The following SLC9A9 variants were observed in gnomAD, a reference collection of about 807,000 sequenced individuals.
SLC9A9 encodes solute carrier family 9 member A9.
In SLC9A9, 62 loss-of-function variants were observed where a neutral mutation model predicts 77.8. That is an observed-to-expected ratio of 0.80 (90% CI 0.65 to 0.98). The LOEUF is 0.98. Ranked by LOEUF, SLC9A9 falls within the 50% of genes least tolerant of loss-of-function variation. The pLI is 0.00. For missense variants in SLC9A9, 775 were observed against 774.9 expected (o/e 1.00, Z 0.00); for synonymous variants, 320 against 283.5 (o/e 1.13, Z -1.29).
intron 14 of SLC9A9, among the ~76,000 whole-genome samples, chr3:143,276,883 C>T (rs1340667018): frequency 6.6e-6 from 1 of 152,082 alleles, no homozygotes; most frequent in Non-Finnish European, 1.5e-5. Context: ...TCCATAAACC[C>T]CTAGAGACCT....
chr3:143,778,139 T>C (rs1489754191), intron 4 of SLC9A9, among the ~76,000 whole-genome samples: 1 of 150,060 alleles, frequency 6.7e-6, no homozygotes, highest in Non-Finnish European at 1.5e-5. Context: ...ATGATTTCAA[T>C]CACTGTGTAT....
chr3:143,411,149 T>C (rs2034090048), intron 12 of SLC9A9, among the ~76,000 whole-genome samples: 1 of 152,210 alleles, frequency 6.6e-6, no homozygotes, highest in African/African-American at 2.4e-5. Context: ...TTCTCTACAT[T>C]CTAGTGTTTT....
At chr3:143,710,816 A>G (rs572234403) in intron 4 of SLC9A9, among the ~76,000 whole-genome samples, 2 of 152,320 alleles carry the variant, frequency 1.3e-5, no homozygotes, top group East Asian at 3.9e-4. Flanking sequence ...ATCCCTTTTC[A>G]TATCCCCTCA....
At chr3:143,482,185 C>T (rs838641) in intron 11 of SLC9A9, among the ~76,000 whole-genome samples, 89,608 of 152,026 alleles carry the variant, frequency 0.59, 26,559 homozygotes, top group Non-Finnish European at 0.61. Context: ...AATACATGTT[C>T]ATGAAAAAAT....
intron 4 of SLC9A9, among the ~76,000 whole-genome samples, chr3:143,697,634 T>C (rs1933677810): frequency 6.6e-6 from 1 of 151,942 alleles, no homozygotes; most frequent in South Asian, 2.1e-4. Flanking sequence ...CCTACATACT[T>C]AACCACCAAC....
chr3:143,735,845 A>G (rs902303004), intron 4 of SLC9A9, among the ~76,000 whole-genome samples: 3 of 152,212 alleles, frequency 2.0e-5, no homozygotes, highest in African/African-American at 7.2e-5. Context: ...ATTTGCTACC[A>G]TGTGACATTG....
At chr3:143,833,107 A>G (rs547488413) in intron 1 of SLC9A9, among the ~76,000 whole-genome samples, 5 of 152,310 alleles carry the variant, frequency 3.3e-5, no homozygotes, top group African/African-American at 1.2e-4. Context: ...ATTTATTAAC[A>G]AGCAACAGAG....
At position 143,517,852 on chromosome 3, in the gene SLC9A9, G is replaced by A. The variant is rs1461532282; in HGVS notation, c.1090-22404C>T. The A allele has an allele frequency of 1.8e-5, 28 of 1,595,870 alleles. No homozygotes were observed. In the East Asian group the frequency reaches 2.7e-4, roughly 15 times the overall value. ...CAATGGCTTTCTGGAGTTCACCATC[G>A]TTTAGGGCTTCAATAGCAGCCACTT... On this transcript the variant is annotated intron_variant, in intron 9 of 15. Coordinates refer to ENST00000316549, the MANE Select transcript of SLC9A9 (RefSeq NM_173653.4).
intron 14 of SLC9A9, among the ~76,000 whole-genome samples, chr3:143,292,529 C>T (rs187774400): frequency 6.0e-4 from 91 of 152,212 alleles, no homozygotes; most frequent in Admixed American, 1.4e-3. Context: ...CTCTTGACCA[C>T]ACTGAGGTCC....
intron 6 of SLC9A9, among the ~76,000 whole-genome samples, chr3:143,641,747 T>A (rs905688162): frequency 6.6e-6 from 1 of 152,190 alleles, no homozygotes; most frequent in African/African-American, 2.4e-5. Context: ...AGGTAGCTAT[T>A]GGAGTGAAAA....
At chr3:143,845,839 T>G (rs1055898027) in intron 1 of SLC9A9, among the ~76,000 whole-genome samples, 1 of 152,222 alleles carries the variant, frequency 6.6e-6, no homozygotes, top group Non-Finnish European at 1.5e-5. Flanking sequence ...TCTCCATAAT[T>G]TTTATAATCC....
At chr3:143,801,186 A>G (rs2008542557) in intron 2 of SLC9A9, among the ~76,000 whole-genome samples, 3 of 152,132 alleles carry the variant, frequency 2.0e-5, no homozygotes, top group Admixed American at 2.0e-4. Context: ...CCTTTTGGTT[A>G]CACACAGCTG....
intron 6 of SLC9A9, among the ~76,000 whole-genome samples, chr3:143,604,425 T>A (rs1361999631): frequency 2.0e-5 from 3 of 152,142 alleles, no homozygotes; most frequent in Non-Finnish European, 4.4e-5. Context: ...TAAAACTAGG[T>A]GACAGACACA....
chr3:143,775,634 G>A (rs1201214143), intron 4 of SLC9A9, among the ~76,000 whole-genome samples: 1 of 152,166 alleles, frequency 6.6e-6, no homozygotes, highest in Non-Finnish European at 1.5e-5. Context: ...GGGTATAATT[G>A]TTTCATTCTG....
intron 6 of SLC9A9, among the ~76,000 whole-genome samples, chr3:143,629,073 A>G (rs1386574681): frequency 3.9e-5 from 6 of 152,212 alleles, no homozygotes; most frequent in Non-Finnish European, 8.8e-5. Context: ...ATCTGCATGT[A>G]GAGAAGTTAC....
intron 6 of SLC9A9, among the ~76,000 whole-genome samples, chr3:143,592,253 G>A (rs1376113714): frequency 1.3e-5 from 2 of 152,310 alleles, no homozygotes; most frequent in Non-Finnish European, 1.5e-5. Flanking sequence ...GTGGCTGGGC[G>A]CAGTGGCTCA....
chr3:143,682,760 C>A (rs1275723216), intron 5 of SLC9A9, among the ~76,000 whole-genome samples: 2 of 152,100 alleles, frequency 1.3e-5, no homozygotes, highest in African/African-American at 4.8e-5. Context: ...GGGCTCTTAG[C>A]CCCCTTCCTC....
intron 11 of SLC9A9, among the ~76,000 whole-genome samples, chr3:143,480,795 G>C (rs2035561252): frequency 6.6e-6 from 1 of 152,222 alleles, no homozygotes. Flanking sequence ...GGGTAGGAAG[G>C]AGATGTAGCA....
intron 5 of SLC9A9, among the ~76,000 whole-genome samples, chr3:143,679,923 A>G (rs914322832): frequency 6.6e-6 from 1 of 152,212 alleles, no homozygotes; most frequent in East Asian, 1.9e-4. Flanking sequence ...GAAAAAAATT[A>G]TAACAGATGG....
Sources: gnomAD v4.1 joint callset for allele counts (sites outside exome capture counted in the v4.1 genomes callset) on GRCh38, gnomAD v4.1.1 for gene constraint, MANE v1.5 for transcripts, NCBI Gene and HGNC (gene_info 2026-07-23, HGNC 2026-07-21) for gene names.